The following DYNC2H1 variants were observed in gnomAD, a reference collection of about 807,000 sequenced individuals.
DYNC2H1 encodes cytoplasmic dynein 2 heavy chain 1.
Under a neutral mutation model 570.0 loss-of-function variants are expected in DYNC2H1, and 410 were observed. That is an observed-to-expected ratio of 0.72 (90% CI 0.66 to 0.78). DYNC2H1 has a LOEUF of 0.78. Among genes scored for constraint, DYNC2H1 ranks in the 30% least tolerant of loss-of-function variants. The pLI is 0.00. For synonymous variants in DYNC2H1, 1,688 were observed against 1,677.6 expected, an observed-to-expected ratio of 1.01 and a Z score of -0.15; for missense variants, 4,865 against 5,046.4, an observed-to-expected ratio of 0.96 and a Z score of 1.09.
At position 103,154,616 on chromosome 11, in the gene DYNC2H1, A is replaced by G; in HGVS notation, c.3458+10A>G. The G allele has an allele frequency of 1.3e-6, 2 of 1,585,802 alleles. No individual in the cohort carries two copies. Among genetic ancestry groups the G allele is most frequent in the Non-Finnish European group, 1.7e-6 (2 of 1,168,474 alleles). ...ACTGGATCACTTTTCGGTTTGATTC[A>G]AAAACAATATTTAGACTAATAATTT... On this transcript the variant is annotated intron_variant, in intron 23 of 88. Coordinates refer to ENST00000375735, the MANE Select transcript of DYNC2H1 (RefSeq NM_001377.3).
chr11:103,109,465 C>G lies in DYNC2H1; in HGVS notation c.-110C>G. The G allele has an allele frequency of 3.7e-6, 4 of 1,092,236 alleles. No homozygotes were observed. The highest frequency in any genetic ancestry group is 2.7e-5 in the East Asian group (1 of 37,184). The allele number at this position is 1,092,236 out of a possible 1,614,324, so 67.7% of individuals were successfully genotyped here. On this transcript the variant is annotated 5_prime_UTR_variant, in exon 1 of 89. Coordinates refer to ENST00000375735, the MANE Select transcript of DYNC2H1 (RefSeq NM_001377.3). ...TGGCAACCGCGAAGCTCTGCGGTCC[C>G]GCGGTCGGGCTACGGGTTTGAGCAA...
intron 75 of DYNC2H1, among the ~76,000 whole-genome samples, chr11:103,300,679 C>A (rs1170845697): frequency 6.6e-6 from 1 of 151,798 alleles, no homozygotes; most frequent in Non-Finnish European, 1.5e-5. Flanking sequence ...AATTAATGGA[C>A]ATATATTTAT....
chr11:103,182,344 G>A (rs1304377692), intron 40 of DYNC2H1, among the ~76,000 whole-genome samples: 1 of 150,530 alleles, frequency 6.6e-6, no homozygotes, highest in East Asian at 1.9e-4. Flanking sequence ...ATATATATAA[G>A]GTTAAAAACA....
At chr11:103,389,590 G>C (rs946703876) in intron 83 of DYNC2H1, among the ~76,000 whole-genome samples, 2 of 152,112 alleles carry the variant, frequency 1.3e-5, no homozygotes, top group South Asian at 2.1e-4. Context: ...TGTGATGTTA[G>C]GGTGTCAATT....
intron 75 of DYNC2H1, among the ~76,000 whole-genome samples, chr11:103,294,018 G>T (rs1866720268): frequency 6.6e-6 from 1 of 152,244 alleles, no homozygotes; most frequent in South Asian, 2.1e-4. Flanking sequence ...GGCAGAGGTT[G>T]CACTGAGCCG....
intron 1 of DYNC2H1, 95 bp from the exon 2 acceptor site, chr11:103,113,442 C>G: frequency 1.1e-6 from 1 of 935,556 alleles, no homozygotes. Context: ...CTATTTTTTT[C>G]CAAGAGGTAT....
intron 82 of DYNC2H1, among the ~76,000 whole-genome samples, chr11:103,341,510 G>T (rs1456773345): frequency 6.6e-6 from 1 of 152,164 alleles, no homozygotes; most frequent in Non-Finnish European, 1.5e-5. Flanking sequence ...AGATTCCTAA[G>T]TTCTATCCCA....
chr11:103,178,913 C>T (rs1861736888), intron 38 of DYNC2H1, 113 bp from the exon 39 acceptor site: 1 of 1,061,922 alleles, frequency 9.4e-7, no homozygotes, highest in Non-Finnish European at 1.3e-6. Flanking sequence ...GGTTCTTCAG[C>T]ATATTTGTAG....
chr11:103,383,622 CA>C (rs1941756376), intron 83 of DYNC2H1, among the ~76,000 whole-genome samples: 1 of 150,684 alleles, frequency 6.6e-6, no homozygotes, highest in Admixed American at 6.7e-5. Flanking sequence ...CACAGGTACC[CA>C]CCACCACGCC....
At position 103,109,735 on chromosome 11, in the gene DYNC2H1, A is replaced by G. The variant is rs775834649; in HGVS notation, c.161A>G (p.Gln54Arg). Reference sequence around the variant, plus strand: ...GGCAACCAGATGCTCCTCAGGGTGCAGCGATCCGACGCAGGAATCTCCTTT... The same window carrying G: ...GGCAACCAGATGCTCCTCAGGGTGCGGCGATCCGACGCAGGAATCTCCTTT... ...DDGNQMLLRVQRSDAGISFSN... is the reference protein window; with the variant it reads ...DDGNQMLLRVRRSDAGISFSN... The change falls in exon 1 of 89, where the codon CAG becomes CGG. Residue 54 changes from glutamine (Q) to arginine (R), a missense_variant. Physicochemically the swap from Gln to Arg is conservative, Grantham distance 43. Around this residue, in one of 5 missense-constraint regions of DYNC2H1, gnomAD observed 1,936 missense variants for 1,962.1 expected, o/e 0.99. Transcript: ENST00000375735. 1 of 1,613,766 alleles carries G rather than the reference A, an allele frequency of 6.2e-7. No homozygotes were observed. Among genetic ancestry groups the G allele is most frequent in the East Asian group, 2.2e-5 (1 of 44,868 alleles).
At position 103,181,953 on chromosome 11, in the gene DYNC2H1, TA is replaced by T; in HGVS notation, c.6477+69del. The T allele has an allele frequency of 6.6e-7, 1 of 1,520,568 alleles. No homozygotes were observed. The highest frequency in any genetic ancestry group is 8.9e-7 in the Non-Finnish European group (1 of 1,124,040). 94.2% of individuals were successfully genotyped at this position (1,520,568 alleles called of 1,614,324 possible). A position where few individuals can be genotyped will look rare whatever the true frequency, so the allele number is the denominator to read the frequency against. ...GTATGATTAAGAGTGATGCTTATTTTAACTTCCTTGTGGTAGAACTCTGCTG... is the reference window on the plus strand; with the variant it reads ...GTATGATTAAGAGTGATGCTTATTTTACTTCCTTGTGGTAGAACTCTGCTG... On this transcript the variant is annotated intron_variant, in intron 40 of 88. Coordinates refer to ENST00000375735, the MANE Select transcript of DYNC2H1 (RefSeq NM_001377.3). This position sits in a 1 kb window ranked among gnomAD's most constrained non-coding sequence, Gnocchi z 5.0.
At chr11:103,159,766 A>T (rs1223424598) in intron 28 of DYNC2H1, among the ~76,000 whole-genome samples, 1 of 152,208 alleles carries the variant, frequency 6.6e-6, no homozygotes, top group Non-Finnish European at 1.5e-5. Flanking sequence ...AATTAAATTT[A>T]TGAAGTAAAA....
chr11:103,238,594 C>G (rs1864310819), intron 63 of DYNC2H1, among the ~76,000 whole-genome samples: 1 of 151,944 alleles, frequency 6.6e-6, no homozygotes, highest in Non-Finnish European at 1.5e-5. Context: ...CACACACACA[C>G]ACACACACAC....
intron 40 of DYNC2H1, among the ~76,000 whole-genome samples, chr11:103,183,533 A>G (rs1022928039): frequency 6.6e-6 from 1 of 151,748 alleles, no homozygotes. Context: ...TTTATCCTGT[A>G]TTTTGTTCAC....
At chr11:103,474,261 G>A (rs895852305) in intron 88 of DYNC2H1, among the ~76,000 whole-genome samples, 103 of 152,148 alleles carry the variant, frequency 6.8e-4, no homozygotes, top group African/African-American at 2.3e-3. Flanking sequence ...TTTTCCCCCA[G>A]AATTGCATCA....
chr11:103,227,887 A>G (rs1342666919), intron 59 of DYNC2H1, among the ~76,000 whole-genome samples: 1 of 152,172 alleles, frequency 6.6e-6, no homozygotes, highest in African/African-American at 2.4e-5. Context: ...ATATATGTTT[A>G]GGATTGTGAT....
chr11:103,404,871 T>G (rs1409332508), intron 84 of DYNC2H1: 1 of 151,912 alleles, frequency 6.6e-6, no homozygotes, highest in African/African-American at 2.4e-5. Context: ...CGCCACGCAC[T>G]GTAGCTTATC....
intron 74 of DYNC2H1, among the ~76,000 whole-genome samples, chr11:103,286,916 G>A (rs971457848): frequency 2.6e-5 from 4 of 152,096 alleles, no homozygotes; most frequent in African/African-American, 9.7e-5. Flanking sequence ...CATATACAGT[G>A]AATTCTATTT....
At chr11:103,215,270 A>T (rs1010402194) in intron 54 of DYNC2H1, among the ~76,000 whole-genome samples, 15 of 152,126 alleles carry the variant, frequency 9.9e-5, no homozygotes, top group African/African-American at 1.7e-4. Flanking sequence ...ATTCAGTGTG[A>T]TGTGGGCAGA....
Sources: allele counts gnomAD v4.1 joint callset (sites outside exome capture counted in the v4.1 genomes callset), GRCh38; gene constraint gnomAD v4.1.1; regional missense constraint gnomAD v4.1.1; non-coding constraint Gnocchi (gnomAD v3.1); transcripts MANE v1.5; gene names NCBI Gene and HGNC (gene_info 2026-07-23, HGNC 2026-07-21).